SDK1: variants seen among roughly 807,000 people sequenced by gnomAD.
The protein encoded by SDK1 is protein sidekick-1.
A neutral mutation model predicts 245.5 loss-of-function variants in SDK1; 157 were observed. The ratio of observed to expected loss-of-function variants is 0.64; its 90% CI spans 0.56 to 0.73. The LOEUF is 0.73. SDK1 is among the 30% of genes least tolerant of loss of function. The probability of loss-of-function intolerance (pLI) is 0.00; values close to 1 mark genes in which losing one functional copy is unlikely to be tolerated. For missense variants in SDK1, 3,583 were observed against 3,002.3 expected (o/e 1.19, Z -4.52); for synonymous variants, 1,647 against 1,278.5 (o/e 1.29, Z -6.15).
At chr7:3,405,932 C>A (rs936517422) in intron 1 of SDK1, among the ~76,000 whole-genome samples, 1 of 151,562 alleles carries the variant, frequency 6.6e-6, no homozygotes, top group East Asian at 1.9e-4. Context: ...TCTGCATCAG[C>A]CTCCTGAGTA....
intron 4 of SDK1, among the ~76,000 whole-genome samples, chr7:3,814,724 A>G (rs1217181510): frequency 6.6e-6 from 1 of 151,546 alleles, no homozygotes; most frequent in Non-Finnish European, 1.5e-5. Context: ...TTTTCACGAT[A>G]TTGATTCTTC....
At chr7:3,502,286 G>C (rs2128608559) in intron 1 of SDK1, among the ~76,000 whole-genome samples, 1 of 151,548 alleles carries the variant, frequency 6.6e-6, no homozygotes, top group East Asian at 1.9e-4. Context: ...TCTTGCTCTT[G>C]GCCACCAGGC....
At chr7:3,612,325 G>A (rs1224529240) in intron 1 of SDK1, among the ~76,000 whole-genome samples, 1 of 152,144 alleles carries the variant, frequency 6.6e-6, no homozygotes, top group African/African-American at 2.4e-5. Flanking sequence ...AACTAGAGTG[G>A]CACATATCTA....
chr7:4,149,239 G>C, intron 29 of SDK1, 23 bp from the exon 30 acceptor site: 3 of 1,488,272 alleles, frequency 2.0e-6, no homozygotes, highest in Non-Finnish European at 1.8e-6. Context: ...ACATGTCCCT[G>C]GTCTGTCCTC....
At chr7:3,434,670 C>T (rs557462696) in intron 1 of SDK1, among the ~76,000 whole-genome samples, 1 of 152,240 alleles carries the variant, frequency 6.6e-6, no homozygotes, top group South Asian at 2.1e-4. Flanking sequence ...CCAACTTTAC[C>T]GAGTGTGGAT....
chr7:3,601,943 T>G (rs1781267449), intron 1 of SDK1, among the ~76,000 whole-genome samples: 1 of 151,624 alleles, frequency 6.6e-6, no homozygotes, highest in South Asian at 2.1e-4. Flanking sequence ...TTTTTTGTCC[T>G]TGTGATATTT....
chr7:3,971,143 G>A (rs952940181), intron 11 of SDK1, among the ~76,000 whole-genome samples: 1 of 152,130 alleles, frequency 6.6e-6, no homozygotes, highest in African/African-American at 2.4e-5. Flanking sequence ...GTCATCTAGG[G>A]AGAGAATCTA....
rs113386547 is a variant in SDK1 at position 3,847,997 on chromosome 7, C to T, written c.847+26414C>T. Among the ~76,000 whole-genome samples, 1,126 of 152,316 alleles carry T rather than the reference C, an allele frequency of 7.4e-3. 15 individuals carry two copies. The highest frequency in any genetic ancestry group is 0.026 in the African/African-American group (1,072 of 41,564). Reference sequence around the variant, plus strand: ...TACTATCGTACTTTCCTGCAACATACGTATCACATCTACCCATACACACAT... The same window carrying T: ...TACTATCGTACTTTCCTGCAACATATGTATCACATCTACCCATACACACAT... On this transcript the variant is annotated intron_variant, in intron 5 of 44. Transcript: ENST00000404826.
chr7:4,210,303 G>A (rs1309477550), intron 38 of SDK1, 141 bp downstream of exon 38: 4 of 901,652 alleles, frequency 4.4e-6, no homozygotes, highest in Non-Finnish European at 6.1e-6. Context: ...TGGAATCTGA[G>A]CTGGACGGGG....
chr7:3,679,018 G>A (rs1784010852), intron 4 of SDK1, among the ~76,000 whole-genome samples: 1 of 152,156 alleles, frequency 6.6e-6, no homozygotes, highest in Non-Finnish European at 1.5e-5. Context: ...AACACAGGAG[G>A]AAATCTTCAG....
intron 1 of SDK1, among the ~76,000 whole-genome samples, chr7:3,421,721 C>CT (rs1486416212): frequency 2.6e-5 from 4 of 152,098 alleles, no homozygotes; most frequent in African/African-American, 9.7e-5. Flanking sequence ...ATTCTTTGGG[C>CT]TTGACAGTGG....
intron 4 of SDK1, among the ~76,000 whole-genome samples, chr7:3,762,244 C>G (rs1780127763): frequency 1.3e-5 from 2 of 151,896 alleles, no homozygotes; most frequent in African/African-American, 4.9e-5. Context: ...TTCTGGGTCT[C>G]CTATGGGACG....
intron 2 of SDK1, among the ~76,000 whole-genome samples, chr7:3,633,931 C>T (rs974957664): frequency 4.6e-5 from 7 of 152,170 alleles, no homozygotes; most frequent in South Asian, 2.1e-4. Context: ...GAGCCACTGC[C>T]CTAGTTGGCA....
intron 1 of SDK1, among the ~76,000 whole-genome samples, chr7:3,467,125 A>T (rs1356295259): frequency 6.6e-6 from 1 of 152,010 alleles, no homozygotes; most frequent in African/African-American, 2.4e-5. Context: ...GTTATTTTAT[A>T]CTTCTTTATA....
intron 13 of SDK1, among the ~76,000 whole-genome samples, chr7:3,978,171 C>T (rs1783118695): frequency 6.6e-6 from 1 of 151,964 alleles, no homozygotes; most frequent in African/African-American, 2.4e-5. Context: ...ATTTTTAAAG[C>T]TACCTTTGAG....
intron 5 of SDK1, among the ~76,000 whole-genome samples, chr7:3,882,886 T>C (rs1398182627): frequency 3.9e-5 from 6 of 152,224 alleles, no homozygotes; most frequent in East Asian, 1.9e-4. Context: ...GAAAACAATT[T>C]AGTCATGCAT....
chr7:3,734,043 C>T (rs943176526), intron 4 of SDK1, among the ~76,000 whole-genome samples: 1 of 152,218 alleles, frequency 6.6e-6, no homozygotes, highest in African/African-American at 2.4e-5. Flanking sequence ...TAAGCCCTGG[C>T]TGTGCCCTGG....
At chr7:4,207,838 C>T (rs17134605) in intron 36 of SDK1, among the ~76,000 whole-genome samples, 5,253 of 152,230 alleles carry the variant, frequency 0.035, 103 homozygotes, top group South Asian at 0.044. Flanking sequence ...TTTAACGAGG[C>T]AATGCTCATA....
At chr7:3,715,356 G>C (rs1785169301) in intron 4 of SDK1, among the ~76,000 whole-genome samples, 1 of 152,162 alleles carries the variant, frequency 6.6e-6, no homozygotes, top group Non-Finnish European at 1.5e-5. Flanking sequence ...TCCGTTTACA[G>C]TGGGAGAAGG....
Sources: allele counts gnomAD v4.1 joint callset (sites outside exome capture counted in the v4.1 genomes callset), GRCh38; gene constraint gnomAD v4.1.1; transcripts MANE v1.5; gene names NCBI Gene and HGNC (gene_info 2026-07-23, HGNC 2026-07-21).